Variants in ISM2 observed in about 807,000 individuals in gnomAD.
ISM2 encodes isthmin-2.
In ISM2, 50 loss-of-function variants were observed where a neutral mutation model predicts 58.0. The ratio of observed to expected loss-of-function variants is 0.86; its 90% CI spans 0.69 to 1.09. ISM2 has a LOEUF of 1.09. ISM2 is among the 50% of genes least tolerant of loss of function. The pLI is 0.00. For synonymous variants in ISM2, 303 were observed against 312.4 expected (o/e 0.97, Z 0.32); for missense variants, 723 against 745.0 (o/e 0.97, Z 0.34).
chr14:77,484,792 G>A lies in ISM2; in HGVS notation c.269C>T (p.Thr90Ile). 1 of 1,610,560 alleles carries A rather than the reference G, an allele frequency of 6.2e-7. No homozygotes were observed. The highest frequency in any genetic ancestry group is 8.5e-7 in the Non-Finnish European group (1 of 1,179,222). ...CWTVTEPAAM[T>I]PGNATPPRTP... ...CCTGGGAGGGGTGGCGTTGCCTGGG[G>A]TCATGGCTGCTGGCTCAGTGACAGT... The change falls in exon 2 of 7, where the codon ACC (threonine) becomes ATC (isoleucine). Residue 90 changes from threonine to isoleucine, a missense_variant. By Grantham distance (89) the Thr-to-Ile change is moderately conservative. Transcript: ENST00000342219.
intron 1 of ISM2, chr14:77,498,276 T>G (rs936724400): frequency 3.0e-6 from 4 of 1,316,050 alleles, no homozygotes; most frequent in Non-Finnish European, 4.0e-6. Flanking sequence ...AAGCGCCAGA[T>G]TCCTCGCACC....
In ISM2 at chr14:77,475,009, G is replaced by A. The variant is rs2079087440; in HGVS notation, c.*586C>T. 6.6e-6 allele frequency: 1 copy of A among 152,318 alleles called. No homozygotes were observed. Among genetic ancestry groups the A allele is most frequent in the Admixed American group, 6.5e-5 (1 of 15,286 alleles). 9.4% of individuals were successfully genotyped at this position (152,318 alleles called of 1,614,324 possible). Reference sequence around the variant, plus strand: ...TGGTGTCCAACAGAAAGGCAGCTTGGGGCTACAGATAGCCTCCTGTGCAGT... The same window carrying A: ...TGGTGTCCAACAGAAAGGCAGCTTGAGGCTACAGATAGCCTCCTGTGCAGT... On this transcript the variant is annotated 3_prime_UTR_variant, in exon 7 of 7. Coordinates refer to ENST00000342219, the MANE Select transcript of ISM2 (RefSeq NM_199296.3). This position sits in a 1 kb window ranked among gnomAD's most constrained non-coding sequence, Gnocchi z 4.1.
intron 4 of ISM2, among the ~76,000 whole-genome samples, chr14:77,480,215 G>A (rs1469307762): frequency 1.3e-5 from 2 of 151,930 alleles, no homozygotes; most frequent in African/African-American, 2.4e-5. Flanking sequence ...GAGCCAGGGA[G>A]GTTGAGGCAG....
At chr14:77,494,180 T>G (rs1486193173) in intron 1 of ISM2, among the ~76,000 whole-genome samples, 1 of 152,194 alleles carries the variant, frequency 6.6e-6, no homozygotes, top group East Asian at 1.9e-4. Context: ...AACTTTTCTG[T>G]GCCTCCATTT....
At position 77,490,159 on chromosome 14, in the gene ISM2, G is replaced by A. The variant is rs190735145; in HGVS notation, c.142-5240C>T. Among the ~76,000 whole-genome samples, 419 of 149,098 alleles carry A rather than the reference G, an allele frequency of 2.8e-3. 2 individuals are homozygous for A. Among genetic ancestry groups the A allele is most frequent in the African/African-American group, 9.6e-3 (389 of 40,572 alleles). On this transcript the variant is annotated intron_variant, in intron 1 of 6. Coordinates refer to ENST00000342219, the MANE Select transcript of ISM2 (RefSeq NM_199296.3). ...ATTACAGGCGTGAGCCACCACGCCC[G>A]GCTAATTTTTTGTATTTTTAGTAGA...
chr14:77,497,769 G>GGGAAGGAA (rs1177768719), intron 1 of ISM2, among the ~76,000 whole-genome samples: 21 of 86,210 alleles, frequency 2.4e-4, no homozygotes, highest in African/African-American at 4.3e-4. Flanking sequence ...GAGGGAGGGA[G>GGGAAGGAA]GGAAGGAAGG....
intron 6 of ISM2, 141 bp downstream of exon 6, chr14:77,478,101 T>G: frequency 1.4e-6 from 1 of 720,388 alleles, no homozygotes; most frequent in Non-Finnish European, 2.4e-6. Flanking sequence ...GGCCCCCTGT[T>G]GGAGAAGCAA....
rs2079137220 is a variant in ISM2 at position 77,482,350 on chromosome 14, A to G, written c.945T>C (p.Asp315=). The change falls in exon 4 of 7, where the codon GAT becomes GAC. Residue 315 remains aspartate (D), a synonymous_variant. Transcript: ENST00000342219. ...NWDQGWLAPG[D]WVFKDSVSYD... is the part of the protein sequence containing the mutation. ...AGCTGACAGAATCCTTGAAGACCCA[A>G]TCCCCGGGGGCCAGCCAGCCCTGGT... 4 of 1,613,586 alleles carry G rather than the reference A, an allele frequency of 2.5e-6. No homozygotes were observed. The highest frequency in any genetic ancestry group is 2.5e-6 in the Non-Finnish European group (3 of 1,179,842).
chr14:77,486,069 G>T (rs2079165834), intron 1 of ISM2, among the ~76,000 whole-genome samples: 1 of 152,120 alleles, frequency 6.6e-6, no homozygotes, highest in Non-Finnish European at 1.5e-5. Context: ...TCATTGTCAT[G>T]CCTGTCTTAC....
chr14:77,485,003 G>A, intron 1 of ISM2, 84 bp from the exon 2 acceptor site: 2 of 1,424,060 alleles, frequency 1.4e-6, no homozygotes, highest in South Asian at 2.8e-5. Flanking sequence ...GCAGATCCAG[G>A]AGCCCTGGGG....
At chr14:77,478,387 G>A (rs987251264) in intron 5 of ISM2, 62 bp from the exon 6 acceptor site, 61 of 1,507,420 alleles carry the variant, frequency 4.0e-5, no homozygotes, top group African/African-American at 6.9e-5. Flanking sequence ...CGCTGATGGG[G>A]AAACCCCCCC....
chr14:77,497,065 G>A (rs568326948), intron 1 of ISM2, among the ~76,000 whole-genome samples: 2 of 151,154 alleles, frequency 1.3e-5, no homozygotes, highest in Admixed American at 6.6e-5. Context: ...CCTCAGTGTC[G>A]TCATCTCAAA....
intron 1 of ISM2, among the ~76,000 whole-genome samples, chr14:77,489,729 T>G (rs558363101): frequency 5.3e-5 from 8 of 152,308 alleles, no homozygotes; most frequent in Admixed American, 1.3e-4. Context: ...ATAAGAGTAG[T>G]GCTGACCAAG....
At position 77,482,652 on chromosome 14, in the gene ISM2, C is replaced by G; in HGVS notation, c.643G>C (p.Val215Leu). The stretch of plus-strand genomic sequence containing the variant: ...GACACCTCGGCCTGGGGGTCCTCCA[C>G]CACCTTGATGGTCACCTGCAGGAGA... ...NPDNQVTIKV[V>L]EDPQAEVSID... The change falls in exon 4 of 7, where the codon GTG becomes CTG. Residue 215 changes from valine (V) to leucine (L), a missense_variant. By Grantham distance (32) the Val-to-Leu change is conservative. Coordinates refer to ENST00000342219, the MANE Select transcript of ISM2 (RefSeq NM_199296.3). 2.6e-6 allele frequency: 4 copies of G among 1,553,076 alleles called. No homozygotes were observed. Among genetic ancestry groups the G allele is most frequent in the Non-Finnish European group, 3.5e-6 (4 of 1,153,284 alleles).
chr14:77,482,306 A>C lies in ISM2; in HGVS notation c.973+16T>G, dbSNP rs2079136840. 6.3e-7 allele frequency: 1 copy of C among 1,597,312 alleles called. No individual in the cohort carries two copies. The highest frequency in any genetic ancestry group is 8.5e-7 in the Non-Finnish European group (1 of 1,169,662). On this transcript the variant is annotated intron_variant, in intron 4 of 6. Coordinates refer to ENST00000342219, the MANE Select transcript of ISM2 (RefSeq NM_199296.3). Reference sequence around the variant, plus strand: ...ACAGGGGAGCAGCCTGGGGATGCCAAGATGGGGGTGCTCACCGTAGCTGAC... The same window carrying C: ...ACAGGGGAGCAGCCTGGGGATGCCACGATGGGGGTGCTCACCGTAGCTGAC...
In ISM2 at chr14:77,475,400, C is replaced by T. The variant is rs1391422261; in HGVS notation, c.*195G>A. ...ACACCCACCCTGGGCCCTACATACC[C>T]TTCAACCTTCTCACTAACCCCACTG... On this transcript the variant is annotated 3_prime_UTR_variant, in exon 7 of 7. Transcript: ENST00000342219. The surrounding 1 kb of genome is among the most constrained non-coding windows in gnomAD (Gnocchi z 4.1). The T allele has an allele frequency of 4.4e-5, 24 of 543,396 alleles. No individual in the cohort carries two copies. In the East Asian group the frequency reaches 7.5e-4, roughly 17 times the overall value. The allele number at this position is 543,396 out of a possible 1,614,324, so 33.7% of individuals were successfully genotyped here.
In ISM2 at chr14:77,478,725, G is replaced by A. The variant is rs757970979; in HGVS notation, c.974-10C>T. 4 of 1,607,866 alleles carry A rather than the reference G, an allele frequency of 2.5e-6. No homozygotes were observed. The African/African-American group carries it at 5.3e-5, about 21-fold the overall frequency. ...TTCTGAGGCTCATAGTCTGGGTTAA[G>A]ACAGGGAGTTGGGGGTGAGTGCATA... On this transcript the variant is annotated splice_polypyrimidine_tract_variant and intron_variant, in intron 4 of 6. Transcript: ENST00000342219.
chr14:77,492,938 T>A (rs1320245237), intron 1 of ISM2, among the ~76,000 whole-genome samples: 1 of 151,896 alleles, frequency 6.6e-6, no homozygotes, highest in African/African-American at 2.4e-5. Context: ...GAGGTTGCAG[T>A]GAGCCAAGAT....
intron 6 of ISM2, among the ~76,000 whole-genome samples, chr14:77,477,048 C>T (rs2079102745): frequency 6.6e-6 from 1 of 152,154 alleles, no homozygotes; most frequent in South Asian, 2.1e-4. Flanking sequence ...ACCATTTCAC[C>T]CGGTCCCCAT....
Sources: allele counts gnomAD v4.1 joint callset (sites outside exome capture counted in the v4.1 genomes callset), GRCh38; gene constraint gnomAD v4.1.1; non-coding constraint Gnocchi (gnomAD v3.1); transcripts MANE v1.5; gene names NCBI Gene and HGNC (gene_info 2026-07-23, HGNC 2026-07-21).